XRCC4: variants seen among roughly 807,000 people sequenced by gnomAD.
XRCC4 encodes DNA repair protein XRCC4.
A neutral mutation model predicts 39.1 loss-of-function variants in XRCC4; 28 were observed. The observed-to-expected ratio is 0.72, with a 90% CI of 0.53 to 0.98. XRCC4 has a LOEUF of 0.98. XRCC4 is among the 50% of genes least tolerant of loss of function. XRCC4 has a pLI of 0.00. For synonymous variants in XRCC4, 123 were observed against 126.4 expected (o/e 0.97, Z 0.18); for missense variants, 350 against 376.4 (o/e 0.93, Z 0.58).
At chr5:83,213,414 A>T (rs1330234825) in intron 6 of XRCC4, among the ~76,000 whole-genome samples, 1 of 152,154 alleles carries the variant, frequency 6.6e-6, no homozygotes, top group Admixed American at 6.5e-5. Flanking sequence ...CAACACTGTG[A>T]CATTGGGTTT....
At chr5:83,088,303 A>G (rs992903745) in intron 1 of XRCC4, among the ~76,000 whole-genome samples, 1 of 152,174 alleles carries the variant, frequency 6.6e-6, no homozygotes, top group Non-Finnish European at 1.5e-5. Flanking sequence ...AGAACTCTGT[A>G]TTGTCATGTT....
intron 3 of XRCC4, among the ~76,000 whole-genome samples, chr5:83,189,179 CTCA>C (rs1750584746): frequency 6.6e-6 from 1 of 152,198 alleles, no homozygotes; most frequent in Non-Finnish European, 1.5e-5. Context: ...AACCAAAAGA[CTCA>C]TCATCTCTGT....
At chr5:83,277,253 A>G (rs1437355377) in intron 7 of XRCC4, among the ~76,000 whole-genome samples, 1 of 152,228 alleles carries the variant, frequency 6.6e-6, no homozygotes, top group African/African-American at 2.4e-5. Context: ...CCTTCTGGGC[A>G]CATGATGAAA....
intron 1 of XRCC4, among the ~76,000 whole-genome samples, chr5:83,081,025 A>G (rs1378567692): frequency 6.6e-6 from 1 of 152,224 alleles, no homozygotes; most frequent in East Asian, 1.9e-4. Flanking sequence ...CTTAGTTAAG[A>G]TAAAAAAGGA....
intron 3 of XRCC4, among the ~76,000 whole-genome samples, chr5:83,141,324 T>C (rs1348002607): frequency 1.3e-5 from 2 of 152,206 alleles, no homozygotes; most frequent in Non-Finnish European, 2.9e-5. Context: ...AATTCCTACA[T>C]GTGTGATTGG....
intron 7 of XRCC4, among the ~76,000 whole-genome samples, chr5:83,311,545 T>G (rs182588743): frequency 3.5e-3 from 539 of 152,222 alleles, no homozygotes; most frequent in Non-Finnish European, 5.9e-3. Context: ...CCACAGGAAA[T>G]GAAATATTTT....
chr5:83,216,306 A>G (rs1433880460), intron 6 of XRCC4, among the ~76,000 whole-genome samples: 2 of 152,252 alleles, frequency 1.3e-5, no homozygotes, highest in African/African-American at 4.8e-5. Context: ...TCTAAAAGTT[A>G]GAAAATAATG....
chr5:83,367,928 C>T, the XRCC4 span, among the ~76,000 whole-genome samples: 1 of 151,904 alleles, frequency 6.6e-6, no homozygotes, highest in Admixed American at 6.6e-5. Context: ...CTCAAGTGTA[C>T]AACATAGGCA....
downstream of XRCC4, among the ~76,000 whole-genome samples, chr5:83,357,531 T>G (rs1404794475): frequency 1.3e-5 from 2 of 151,668 alleles, no homozygotes; most frequent in East Asian, 3.9e-4. Flanking sequence ...GGGCTGGGTT[T>G]GGGTGGGTAC....
At chr5:83,298,330 T>C (rs1437322994) in intron 7 of XRCC4, among the ~76,000 whole-genome samples, 1 of 151,938 alleles carries the variant, frequency 6.6e-6, no homozygotes, top group African/African-American at 2.4e-5. Flanking sequence ...TTTTCTGCTT[T>C]CTACCCATTT....
In XRCC4 at chr5:83,186,987, A is replaced by G. The variant is rs866649250; in HGVS notation, c.316-8783A>G. ...GAGACGGAGTCTCGCTCTGTCGCCC[A>G]GGCTGGAGTGCAGTGGCGCGACCTC... On this transcript the variant is annotated intron_variant, in intron 3 of 7. Transcript: ENST00000396027. Among the ~76,000 whole-genome samples the G allele has an allele frequency of 5.3e-5, 2 of 37,478 alleles. 1 individual carries two copies. Among genetic ancestry groups the G allele is most frequent in the Non-Finnish European group, 1.1e-4 (2 of 18,716 alleles). The allele number at this position is 37,478 out of a possible 152,430, so 24.6% of individuals were successfully genotyped here.
intron 3 of XRCC4, among the ~76,000 whole-genome samples, chr5:83,147,157 T>C (rs761971034): frequency 6.6e-6 from 1 of 152,156 alleles, no homozygotes; most frequent in Non-Finnish European, 1.5e-5. Flanking sequence ...GGTGTGGTGA[T>C]GGACACCTGT....
At position 83,111,465 on chromosome 5, in the gene XRCC4, C is replaced by T. The variant is rs78626326; in HGVS notation, c.315+262C>T. Among the ~76,000 whole-genome samples, 483 of 151,946 alleles carry T rather than the reference C, an allele frequency of 3.2e-3. 1 individual carries two copies. Among genetic ancestry groups the T allele is most frequent in the Non-Finnish European group, 5.6e-3 (379 of 67,910 alleles). ...TTAAAGTATTACAGAGTTAATTATA[C>T]AAAAGAATAATCTTGAAAAAGGTGA... On this transcript the variant is annotated intron_variant, in intron 3 of 7. Transcript: ENST00000396027.
rs112046381 is a variant in XRCC4 at position 83,210,311 on chromosome 5, A to G, written c.745+5390A>G. 9.2e-3 allele frequency among the ~76,000 whole-genome samples: 1,403 copies of G among 152,292 alleles called. 18 individuals carry two copies. The highest frequency in any genetic ancestry group is 0.032 in the African/African-American group (1,317 of 41,576). On this transcript the variant is annotated intron_variant, in intron 6 of 7. Transcript: ENST00000396027. ...AAGTTTTAAATTAAAAGCTTGATTT[A>G]GTTAAACCTACCACCAAACTGGAAA...
chr5:83,214,338 T>C (rs1216035496), intron 6 of XRCC4, among the ~76,000 whole-genome samples: 1 of 152,162 alleles, frequency 6.6e-6, no homozygotes, highest in Non-Finnish European at 1.5e-5. Flanking sequence ...AGCTAATAAA[T>C]TGACTCCAGT....
chr5:83,159,910 T>C lies in XRCC4; in HGVS notation c.316-35860T>C, dbSNP rs73132564. On this transcript the variant is annotated intron_variant, in intron 3 of 7. Coordinates refer to ENST00000396027, the MANE Select transcript of XRCC4 (RefSeq NM_003401.5). ...AAAATTTGTCCCATTATCACCTATA[T>C]TGCACTGTGAATATTTTTAGAGCCT... is the stretch of plus-strand genomic sequence containing the variant. Among the ~76,000 whole-genome samples the C allele has an allele frequency of 7.0e-3, 1,064 of 152,212 alleles. 11 individuals carry two copies. Among genetic ancestry groups the C allele is most frequent in the African/African-American group, 0.025 (1,023 of 41,550 alleles).
At chr5:83,327,245 A>G (rs1160427210) in intron 7 of XRCC4, among the ~76,000 whole-genome samples, 1 of 152,010 alleles carries the variant, frequency 6.6e-6, no homozygotes, top group East Asian at 1.9e-4. Flanking sequence ...CCTGATTTCT[A>G]TCTCAAGAGT....
chr5:83,144,803 A>G (rs1748372538), intron 3 of XRCC4, among the ~76,000 whole-genome samples: 1 of 151,874 alleles, frequency 6.6e-6, no homozygotes, highest in Non-Finnish European at 1.5e-5. Context: ...AAAAAATTTT[A>G]TAGTTTTTTA....
chr5:83,279,407 T>TA (rs1317065114), intron 7 of XRCC4, among the ~76,000 whole-genome samples: 1 of 152,174 alleles, frequency 6.6e-6, no homozygotes, highest in Non-Finnish European at 1.5e-5. Context: ...CTGAATTATC[T>TA]ACTACTCACA....
Sources: gnomAD v4.1 joint callset for allele counts (sites outside exome capture counted in the v4.1 genomes callset) on GRCh38, gnomAD v4.1.1 for gene constraint, MANE v1.5 for transcripts, NCBI Gene and HGNC (gene_info 2026-07-23, HGNC 2026-07-21) for gene names.